Variants in SLC26A7 observed in about 807,000 individuals in gnomAD.
The protein encoded by SLC26A7 is anion exchange transporter.
A neutral mutation model predicts 82.5 loss-of-function variants in SLC26A7; 59 were observed. The ratio of observed to expected loss-of-function variants is 0.72; its 90% CI spans 0.58 to 0.89. The LOEUF (loss-of-function observed/expected upper bound fraction) is 0.89. Among genes scored for constraint, SLC26A7 ranks in the 40% least tolerant of loss-of-function variants. The pLI, the probability that SLC26A7 is intolerant of heterozygous loss-of-function variation, is 0.00. For missense variants in SLC26A7, 820 were observed against 793.0 expected, an observed-to-expected ratio of 1.03 and a Z score of -0.41; for synonymous variants, 271 against 274.3, an observed-to-expected ratio of 0.99 and a Z score of 0.12.
chr8:91,322,053 GT>G (rs549053849), intron 5 of SLC26A7, among the ~76,000 whole-genome samples: 68 of 152,220 alleles, frequency 4.5e-4, no homozygotes, highest in Non-Finnish European at 8.2e-4. Flanking sequence ...CATTTTTTAA[GT>G]GTCATTTAAG....
At position 91,343,456 on chromosome 8, in the gene SLC26A7, C is replaced by G; in HGVS notation, c.1130C>G (p.Ala377Gly). Reference sequence around the variant, plus strand: ...ACGGCTGGCCTGTACAGCACAGGAGCGAAGACACAGGTAACTGAATTGTTC... The same window carrying G: ...ACGGCTGGCCTGTACAGCACAGGAGGGAAGACACAGGTAACTGAATTGTTC... Reference protein sequence around the residue: ...GRTAGLYSTGAKTQVACLISC... With the variant: ...GRTAGLYSTGGKTQVACLISC... Residue 377 changes from alanine to glycine, a missense_variant, in exon 9 of 19, where the codon GCG becomes GGG. Transcript: ENST00000276609. 12 of 1,610,660 alleles carry G rather than the reference C, an allele frequency of 7.5e-6. No individual in the cohort carries two copies. Among genetic ancestry groups the G allele is most frequent in the Non-Finnish European group, 1.0e-5 (12 of 1,179,142 alleles).
chr8:91,359,952 G>A (rs1395949714), intron 11 of SLC26A7, among the ~76,000 whole-genome samples: 1 of 152,026 alleles, frequency 6.6e-6, no homozygotes, highest in East Asian at 1.9e-4. Context: ...CATGTACATA[G>A]TCATCACATG....
At chr8:91,376,372 A>G (rs555443425) in intron 15 of SLC26A7, among the ~76,000 whole-genome samples, 2 of 152,026 alleles carry the variant, frequency 1.3e-5, no homozygotes, top group Non-Finnish European at 2.9e-5. Flanking sequence ...AATTTTATAT[A>G]ATTTGGATGG....
chr8:91,373,034 G>T (rs981124902), intron 15 of SLC26A7, among the ~76,000 whole-genome samples: 1 of 151,690 alleles, frequency 6.6e-6, no homozygotes, highest in Admixed American at 6.6e-5. Flanking sequence ...CTTCAGCTTT[G>T]TTGGTGTACA....
At chr8:91,377,350 G>C (rs1814546783) in intron 15 of SLC26A7, among the ~76,000 whole-genome samples, 1 of 152,102 alleles carries the variant, frequency 6.6e-6, no homozygotes, top group Non-Finnish European at 1.5e-5. Flanking sequence ...TCCCAGGGGG[G>C]CTTTGGTGAG....
chr8:91,341,796 C>T (rs780832739), intron 8 of SLC26A7, among the ~76,000 whole-genome samples: 1 of 152,174 alleles, frequency 6.6e-6, no homozygotes, highest in Non-Finnish European at 1.5e-5. Context: ...TCTGTGCTAA[C>T]ACCACCACCT....
intron 15 of SLC26A7, among the ~76,000 whole-genome samples, chr8:91,378,803 GAAGGAAATTTACAACAAAAATATAACCCC>G (rs1343013079): frequency 6.6e-6 from 1 of 151,970 alleles, no homozygotes; most frequent in Non-Finnish European, 1.5e-5. Context: ...ATATTTAACA[GAAGGAAATTTACAACAAAAATATAACCCC>G]AAAACTACCA....
intron 5 of SLC26A7, among the ~76,000 whole-genome samples, chr8:91,322,803 C>T (rs1012092463): frequency 6.6e-6 from 1 of 152,140 alleles, no homozygotes; most frequent in African/African-American, 2.4e-5. Context: ...AGCCATCCTT[C>T]TTGGAAGTTT....
chr8:91,362,471 T>C lies in SLC26A7; in HGVS notation c.1421+12T>C. 6.2e-7 allele frequency: 1 copy of C among 1,603,066 alleles called. No individual in the cohort carries two copies. The highest frequency in any genetic ancestry group is 8.5e-7 in the Non-Finnish European group (1 of 1,171,440). On this transcript the variant is annotated intron_variant, in intron 12 of 18. Transcript: ENST00000276609. ...GGACGCTTCCCAAGGTAGGATCCTA[T>C]GTAAATGCTCTGTTTATTTTTGCAC...
intron 11 of SLC26A7, among the ~76,000 whole-genome samples, chr8:91,360,577 C>T (rs747146934): frequency 8.5e-5 from 13 of 152,154 alleles, no homozygotes; most frequent in African/African-American, 3.1e-4. Context: ...GAAAGCCCAA[C>T]TTATAATAGA....
At chr8:91,263,398 A>G (rs1200980197) in intron 2 of SLC26A7, among the ~76,000 whole-genome samples, 2 of 152,040 alleles carry the variant, frequency 1.3e-5, no homozygotes, top group African/African-American at 2.4e-5. Flanking sequence ...GCAACATTGT[A>G]TCATTTAATT....
chr8:91,302,818 CT>C (rs11333572), intron 4 of SLC26A7, among the ~76,000 whole-genome samples: 81,101 of 129,556 alleles, frequency 0.63, 24,640 homozygotes, highest in South Asian at 0.67. Flanking sequence ...TTCCCCTTCT[CT>C]TTTTTTTTTT....
At chr8:91,257,544 A>G (rs1586328685) in intron 2 of SLC26A7, among the ~76,000 whole-genome samples, 2 of 152,118 alleles carry the variant, frequency 1.3e-5, no homozygotes, top group Non-Finnish European at 2.9e-5. Flanking sequence ...CACAAAGGCA[A>G]GACTTGACTC....
chr8:91,319,998 A>T (rs946092089), intron 5 of SLC26A7, among the ~76,000 whole-genome samples: 1 of 151,992 alleles, frequency 6.6e-6, no homozygotes, highest in Admixed American at 6.6e-5. Context: ...TTCATTTTGT[A>T]TTTTTGAGGG....
At chr8:91,363,810 A>C (rs1814115527) in intron 13 of SLC26A7, among the ~76,000 whole-genome samples, 1 of 152,164 alleles carries the variant, frequency 6.6e-6, no homozygotes, top group African/African-American at 2.4e-5. Flanking sequence ...GAATCATGGC[A>C]TTTGGACACC....
intron 4 of SLC26A7, among the ~76,000 whole-genome samples, chr8:91,297,880 G>T (rs1285809247): frequency 6.6e-6 from 1 of 152,052 alleles, no homozygotes. Context: ...TTAGTTTCAG[G>T]TTGATTTTTT....
chr8:91,279,556 T>TATTTA (rs1288653807), intron 2 of SLC26A7, among the ~76,000 whole-genome samples: 8 of 152,212 alleles, frequency 5.3e-5, no homozygotes, highest in East Asian at 1.9e-4. Context: ...TGTTGTTGTG[T>TATTTA]ATTTTATTTT....
chr8:91,325,046 G>T (rs1812896677), intron 5 of SLC26A7, among the ~76,000 whole-genome samples: 1 of 152,052 alleles, frequency 6.6e-6, no homozygotes, highest in Non-Finnish European at 1.5e-5. Flanking sequence ...CCTGAGGTTT[G>T]GCTACAAGAC....
At chr8:91,382,369 C>A (rs1193552818) in intron 15 of SLC26A7, among the ~76,000 whole-genome samples, 1 of 152,148 alleles carries the variant, frequency 6.6e-6, no homozygotes, top group Non-Finnish European at 1.5e-5. Flanking sequence ...CCAGACAAAT[C>A]CATTTATGGC....
Sources: allele counts gnomAD v4.1 joint callset (sites outside exome capture counted in the v4.1 genomes callset), GRCh38; gene constraint gnomAD v4.1.1; transcripts MANE v1.5; gene names NCBI Gene and HGNC (gene_info 2026-07-23, HGNC 2026-07-21).